The following ATF7IP variants were observed in gnomAD, a reference collection of about 807,000 sequenced individuals.
ATF7IP encodes activating transcription factor 7 interacting protein.
Under a neutral mutation model 106.4 loss-of-function variants are expected in ATF7IP, and 23 were observed. That is an observed-to-expected ratio of 0.22 (90% CI 0.16 to 0.31). ATF7IP has a LOEUF of 0.31. Among genes scored for constraint, ATF7IP ranks in the 10% least tolerant of loss-of-function variants. The pLI is 1.00. For missense variants in ATF7IP, 1,334 were observed against 1,524.3 expected (o/e 0.88, Z 2.08); for synonymous variants, 542 against 539.0 (o/e 1.01, Z -0.08).
At position 14,437,916 on chromosome 12, in the gene ATF7IP, A is replaced by G. The variant is rs952087291; in HGVS notation, c.1792-214A>G. On this transcript the variant is annotated intron_variant, in intron 4 of 14. Transcript: ENST00000261168. The stretch of plus-strand genomic sequence containing the variant: ...AAAATACAAAAAATTAGCCGGGCGT[A>G]GTGGCGGGCGCCTGTAGTCCCAGCT... Among the ~76,000 whole-genome samples, 10 of 151,384 alleles carry G rather than the reference A, an allele frequency of 6.6e-5. 1 individual carries two copies. Among genetic ancestry groups the G allele is most frequent in the Admixed American group, 5.2e-4 (8 of 15,252 alleles).
At chr12:14,402,837 A>G (rs1940331240) in intron 1 of ATF7IP, among the ~76,000 whole-genome samples, 1 of 152,072 alleles carries the variant, frequency 6.6e-6, no homozygotes, top group South Asian at 2.1e-4. Flanking sequence ...AGCTTAGGTG[A>G]TCCACCCACC....
At chr12:14,368,414 G>C (rs1486866361) in intron 1 of ATF7IP, among the ~76,000 whole-genome samples, 1 of 151,904 alleles carries the variant, frequency 6.6e-6, no homozygotes, top group Non-Finnish European at 1.5e-5. Context: ...ATTTTAAAAT[G>C]GTTACATATT....
At chr12:14,446,538 T>C (rs1159730025) in intron 5 of ATF7IP, among the ~76,000 whole-genome samples, 1 of 152,252 alleles carries the variant, frequency 6.6e-6, no homozygotes, top group Admixed American at 6.5e-5. Flanking sequence ...TTTACACTTC[T>C]GTTGAAAGTG....
chr12:14,486,944 G>A (rs1174102514), intron 13 of ATF7IP, among the ~76,000 whole-genome samples: 1 of 152,060 alleles, frequency 6.6e-6, no homozygotes, highest in Non-Finnish European at 1.5e-5. Context: ...ATATCTTCTG[G>A]ACCCTCCCAG....
At chr12:14,462,222 T>C (rs146422126) in intron 9 of ATF7IP, among the ~76,000 whole-genome samples, 2,616 of 152,214 alleles carry the variant, frequency 0.017, 32 homozygotes, top group Middle Eastern at 0.027. Context: ...GTTTGCATAG[T>C]ACAGGGCAAA....
chr12:14,392,717 A>G (rs1052296510), intron 1 of ATF7IP, among the ~76,000 whole-genome samples: 4 of 152,202 alleles, frequency 2.6e-5, no homozygotes, highest in African/African-American at 9.7e-5. Context: ...GATGAGCACT[A>G]CACAAAATGT....
chr12:14,484,603 G>C (rs1463685303), intron 13 of ATF7IP, among the ~76,000 whole-genome samples: 2 of 152,160 alleles, frequency 1.3e-5, no homozygotes, highest in African/African-American at 2.4e-5. Flanking sequence ...CTTTACAGTG[G>C]TGCCTGCATA....
At chr12:14,487,742 G>A (rs10846006) in intron 13 of ATF7IP, among the ~76,000 whole-genome samples, 152,101 of 152,292 alleles carry the variant, frequency 1, 75,956 homozygotes, top group Non-Finnish European at 1. Context: ...ACTCAAGGCA[G>A]TCTTAGCAGA....
chr12:14,478,933 T>C (rs567800779), intron 12 of ATF7IP, among the ~76,000 whole-genome samples: 1 of 152,238 alleles, frequency 6.6e-6, no homozygotes, highest in Non-Finnish European at 1.5e-5. Flanking sequence ...TATGCTAATT[T>C]ATAATGTAAA....
chr12:14,446,508 A>G (rs1942966723), intron 5 of ATF7IP, among the ~76,000 whole-genome samples: 1 of 152,212 alleles, frequency 6.6e-6, no homozygotes, highest in South Asian at 2.1e-4. Context: ...ATTTGTGAAA[A>G]AGTAATATAT....
intron 1 of ATF7IP, among the ~76,000 whole-genome samples, chr12:14,419,750 T>G (rs1046816558): frequency 6.6e-6 from 1 of 152,198 alleles, no homozygotes; most frequent in Non-Finnish European, 1.5e-5. Flanking sequence ...TATTATATTA[T>G]ACAAATTTTG....
chr12:14,420,512 C>G (rs760779051), intron 1 of ATF7IP: 1 of 152,646 alleles, frequency 6.6e-6, no homozygotes, highest in East Asian at 1.9e-4. Flanking sequence ...GCCTGTGGTC[C>G]CAGCTACTCG....
intron 12 of ATF7IP, among the ~76,000 whole-genome samples, chr12:14,478,822 G>T (rs1944343671): frequency 6.6e-6 from 1 of 152,154 alleles, no homozygotes; most frequent in Admixed American, 6.5e-5. Context: ...GTTAACAGGT[G>T]TTTCATGAAT....
At chr12:14,444,990 GTT>G (rs1206306341) in intron 5 of ATF7IP, among the ~76,000 whole-genome samples, 26 of 131,520 alleles carry the variant, frequency 2.0e-4, no homozygotes, top group Admixed American at 1.3e-3. Flanking sequence ...TAACCACCTA[GTT>G]TTTTTTTTTT....
chr12:14,446,546 G>T (rs1045858624), intron 5 of ATF7IP, among the ~76,000 whole-genome samples: 10 of 152,190 alleles, frequency 6.6e-5, no homozygotes. Context: ...TCTGTTGAAA[G>T]TGTCACAGTA....
rs559698856 is a variant in ATF7IP at position 14,478,570 on chromosome 12, C to A, written c.3097+98C>A. 48 of 1,392,838 alleles carry A rather than the reference C, an allele frequency of 3.4e-5. No homozygotes were observed. The South Asian group carries it at 4.9e-4, about 14-fold the overall frequency. 86.3% of individuals were successfully genotyped at this position (1,392,838 alleles called of 1,614,324 possible). A position where few individuals can be genotyped will look rare whatever the true frequency, so the allele number is the denominator to read the frequency against. On this transcript the variant is annotated intron_variant, in intron 12 of 14. Transcript: ENST00000261168. ...AAAGATAAGACAGAAAATTAATATT[C>A]ATCTTGTTAATTTGAGGACTACAGT... is the stretch of plus-strand genomic sequence containing the variant.
chr12:14,454,102 T>C (rs1216564422), intron 6 of ATF7IP, among the ~76,000 whole-genome samples: 3 of 152,202 alleles, frequency 2.0e-5, no homozygotes, highest in Admixed American at 6.5e-5. Flanking sequence ...CTCCCAGTCT[T>C]TGTGGACTCT....
intron 13 of ATF7IP, among the ~76,000 whole-genome samples, chr12:14,487,151 A>T (rs560856470): frequency 1.3e-5 from 2 of 152,038 alleles, no homozygotes; most frequent in East Asian, 3.9e-4. Context: ...CTGAGCTGCA[A>T]CATTAAATGC....
At chr12:14,484,654 TC>T (rs1944537180) in intron 13 of ATF7IP, among the ~76,000 whole-genome samples, 1 of 152,130 alleles carries the variant, frequency 6.6e-6, no homozygotes, top group South Asian at 2.1e-4. Flanking sequence ...AGTCATCTGT[TC>T]CGCTGTCAAG....
Sources: gnomAD v4.1 joint callset for allele counts (sites outside exome capture counted in the v4.1 genomes callset) on GRCh38, gnomAD v4.1.1 for gene constraint, MANE v1.5 for transcripts, NCBI Gene and HGNC (gene_info 2026-07-23, HGNC 2026-07-21) for gene names.